The following PHEX variants were observed in gnomAD, a reference collection of about 807,000 sequenced individuals.
PHEX encodes the protein phosphate regulating endopeptidase X-linked.
In PHEX, 16 loss-of-function variants were observed where a neutral mutation model predicts 68.0. The ratio of observed to expected loss-of-function variants is 0.24; its 90% CI spans 0.16 to 0.36. The LOEUF (loss-of-function observed/expected upper bound fraction) is 0.36. Among genes scored for constraint, PHEX ranks in the 10% least tolerant of loss-of-function variants. The probability of loss-of-function intolerance (pLI) is 1.00; values close to 1 mark genes in which losing one functional copy is unlikely to be tolerated. For missense variants in PHEX, 480 were observed against 575.5 expected (o/e 0.83, Z 1.70); for synonymous variants, 208 against 205.1 (o/e 1.01, Z -0.12).
chrX:22,196,407 A>G (rs1323566252), intron 15 of PHEX, among the ~76,000 whole-genome samples: 1 of 112,117 alleles, frequency 8.9e-6, no homozygotes, highest in Non-Finnish European at 1.9e-5. Flanking sequence ...TTTGCAAGTC[A>G]TAGTGTCTTT....
At chrX:22,157,308 A>C (rs1932979108) in intron 12 of PHEX, among the ~76,000 whole-genome samples, 1 of 112,431 alleles carries the variant, frequency 8.9e-6, no homozygotes, top group African/African-American at 3.2e-5. Flanking sequence ...CCTGGACAAC[A>C]CGGTGAAACC....
chrX:22,042,271 C>T (rs1237833489), intron 2 of PHEX, among the ~76,000 whole-genome samples: 2 of 111,586 alleles, frequency 1.8e-5, no homozygotes, highest in African/African-American at 6.5e-5. Context: ...ATCCCTCTTT[C>T]AAAATAAGAG....
At chrX:22,078,670 A>G (rs1372203217) in intron 5 of PHEX, among the ~76,000 whole-genome samples, 1 of 111,927 alleles carries the variant, frequency 8.9e-6, no homozygotes, top group Non-Finnish European at 1.9e-5. Context: ...AAAGGGCCAG[A>G]TAATACATAT....
At chrX:22,112,872 C>A (rs980964719) in intron 10 of PHEX, among the ~76,000 whole-genome samples, 11 of 110,604 alleles carry the variant, frequency 9.9e-5, no homozygotes. Context: ...CACCAATGCA[C>A]TCCAGCCTGG....
At chrX:22,150,032 G>A (rs1246497909) in intron 12 of PHEX, among the ~76,000 whole-genome samples, 1 of 111,709 alleles carries the variant, frequency 9.0e-6, no homozygotes, top group Non-Finnish European at 1.9e-5. Flanking sequence ...CATCTAATGA[G>A]AATGAGAACA....
At chrX:22,079,975 G>A (rs774424366) in intron 5 of PHEX, among the ~76,000 whole-genome samples, 6 of 111,141 alleles carry the variant, frequency 5.4e-5, no homozygotes, top group East Asian at 2.8e-4. Flanking sequence ...ATATCAGACC[G>A]ATATCACCTG....
In PHEX at chrX:22,199,804, G is replaced by A. The variant is rs1219690068; in HGVS notation, c.1645+9302G>A. On this transcript the variant is annotated intron_variant, in intron 15 of 21. Coordinates refer to ENST00000379374, the MANE Select transcript of PHEX (RefSeq NM_000444.6). Reference sequence around the variant, plus strand: ...ATTTAAAAAGAAATCATATACTGAGGTTGCTAAGATCTACAGTAAGAACGA... The same window carrying A: ...ATTTAAAAAGAAATCATATACTGAGATTGCTAAGATCTACAGTAAGAACGA... Among the ~76,000 whole-genome samples, 4 of 112,160 alleles carry A rather than the reference G, an allele frequency of 3.6e-5. No individual in the cohort carries two copies. The East Asian group carries it at 1.1e-3, about 31-fold the overall frequency.
intron 20 of PHEX, among the ~76,000 whole-genome samples, chrX:22,233,485 T>A (rs1241661480): frequency 9.0e-6 from 1 of 111,501 alleles, no homozygotes; most frequent in African/African-American, 3.3e-5. Flanking sequence ...TAGTCCCATA[T>A]TTCTTGGAGG....
At chrX:22,195,332 G>A (rs1934328510) in intron 15 of PHEX, among the ~76,000 whole-genome samples, 1 of 111,826 alleles carries the variant, frequency 8.9e-6, no homozygotes. Flanking sequence ...GGTGGCTCAC[G>A]CCTGTAATCC....
At chrX:22,129,711 C>A (rs777896982) in intron 11 of PHEX, among the ~76,000 whole-genome samples, 10 of 111,705 alleles carry the variant, frequency 9.0e-5, no homozygotes, top group African/African-American at 3.3e-4. Context: ...TCTTCCTTTT[C>A]GCTGGATCCT....
intron 20 of PHEX, among the ~76,000 whole-genome samples, chrX:22,237,202 A>ATAT (rs1258010320): frequency 8.9e-6 from 1 of 112,254 alleles, no homozygotes; most frequent in Non-Finnish European, 1.9e-5. Context: ...AGACAATACT[A>ATAT]TATTAGAGTA....
chrX:22,215,280 C>G (rs1005518631), intron 16 of PHEX, among the ~76,000 whole-genome samples: 3 of 111,431 alleles, frequency 2.7e-5, no homozygotes, highest in Non-Finnish European at 3.8e-5. Flanking sequence ...ATAGCTACTA[C>G]ATATCATTTG....
chrX:22,116,321 G>A (rs1931231556), intron 11 of PHEX, among the ~76,000 whole-genome samples: 1 of 111,663 alleles, frequency 9.0e-6, no homozygotes, highest in Admixed American at 9.6e-5. Context: ...ACTATTGAGA[G>A]GGTGTATTTT....
intron 3 of PHEX, among the ~76,000 whole-genome samples, chrX:22,069,385 A>G (rs1193173097): frequency 8.9e-6 from 1 of 112,051 alleles, no homozygotes; most frequent in Non-Finnish European, 1.9e-5. Context: ...TAACCTTGAT[A>G]ATAAGTATAA....
intron 20 of PHEX, among the ~76,000 whole-genome samples, chrX:22,237,330 A>G (rs971910164): frequency 1.8e-5 from 2 of 112,011 alleles, no homozygotes; most frequent in Non-Finnish European, 3.8e-5. Flanking sequence ...TTCAAAGTCA[A>G]ATTCAGAACC....
At chrX:22,176,624 C>T (rs1029989387) in intron 13 of PHEX, among the ~76,000 whole-genome samples, 2 of 109,641 alleles carry the variant, frequency 1.8e-5, no homozygotes, top group African/African-American at 3.3e-5. Context: ...CCTTCCTCTG[C>T]GTCTATCTCC....
At position 22,047,464 on chromosome X, in the gene PHEX, G is replaced by C. The variant is rs756710101; in HGVS notation, c.349+253G>C. Among the ~76,000 whole-genome samples the C allele has an allele frequency of 2.7e-5, 3 of 112,223 alleles. No homozygotes were observed. The South Asian group carries it at 1.1e-3, about 41-fold the overall frequency. On this transcript the variant is annotated intron_variant, in intron 3 of 21. Transcript: ENST00000379374. ...AAATTCTACTGCCAAAGGATAAAGA[G>C]CATTTGATTGAGATTGGAAGCAAAG...
chrX:22,052,471 G>A (rs1276395514), intron 3 of PHEX, among the ~76,000 whole-genome samples: 3 of 111,481 alleles, frequency 2.7e-5, no homozygotes, highest in African/African-American at 9.8e-5. Context: ...CAGGTGATCC[G>A]CCTGCCTCAG....
At chrX:22,244,484 C>A (rs1003793337) in intron 20 of PHEX, among the ~76,000 whole-genome samples, 2 of 110,650 alleles carry the variant, frequency 1.8e-5, no homozygotes, top group African/African-American at 6.6e-5. Flanking sequence ...CACCTGTAAT[C>A]CCAGGTACTT....
Sources: allele counts gnomAD v4.1 joint callset (sites outside exome capture counted in the v4.1 genomes callset), GRCh38; gene constraint gnomAD v4.1.1; transcripts MANE v1.5; gene names NCBI Gene and HGNC (gene_info 2026-07-23, HGNC 2026-07-21).